The following GPAT4 variants were observed in gnomAD, a reference collection of about 807,000 sequenced individuals.
The protein encoded by GPAT4 is glycerol-3-phosphate acyltransferase 4.
Under a neutral mutation model 58.0 loss-of-function variants are expected in GPAT4, and 17 were observed. The ratio of observed to expected loss-of-function variants is 0.29; its 90% CI spans 0.20 to 0.44. The LOEUF (loss-of-function observed/expected upper bound fraction) is 0.44. GPAT4 is among the 20% of genes least tolerant of loss of function. GPAT4 has a pLI of 1.00. For synonymous variants in GPAT4, 204 were observed against 210.1 expected, an observed-to-expected ratio of 0.97 and a Z score of 0.25; for missense variants, 377 against 574.5, an observed-to-expected ratio of 0.66 and a Z score of 3.51.
intron 1 of GPAT4, among the ~76,000 whole-genome samples, chr8:41,583,859 C>G (rs979857493): frequency 1.3e-5 from 2 of 152,152 alleles, no homozygotes; most frequent in Non-Finnish European, 2.9e-5. Context: ...GAGAGATGAA[C>G]AAAAAAGTCT....
chr8:41,610,521 TGA>T, intron 4 of GPAT4: 1 of 1,421,556 alleles, frequency 7.0e-7, no homozygotes, highest in East Asian at 2.8e-5. Flanking sequence ...TGCAGGCAGC[TGA>T]GAGCCAGACC....
chr8:41,581,946 TAAA>T (rs536635092), intron 1 of GPAT4, among the ~76,000 whole-genome samples: 3 of 126,442 alleles, frequency 2.4e-5, no homozygotes, highest in Non-Finnish European at 4.9e-5. Context: ...TTGTTTGAAT[TAAA>T]AAAAAAAAAT....
chr8:41,611,762 A>G (rs1396525820), intron 5 of GPAT4, 141 bp from the exon 6 acceptor site: 5 of 665,070 alleles, frequency 7.5e-6, no homozygotes, highest in Non-Finnish European at 1.3e-5. Flanking sequence ...GTGCTCATGC[A>G]TCACAGGACT....
Position 41,582,674 on chromosome 8 carries a change from A to T in GPAT4, c.-849+4396A>T, listed in dbSNP as rs62509799. Among the ~76,000 whole-genome samples, 660 of 142,578 alleles carry T rather than the reference A, an allele frequency of 4.6e-3. 11 individuals carry two copies. Among genetic ancestry groups the T allele is most frequent in the South Asian group, 0.041 (181 of 4,426 alleles). 93.5% of individuals were successfully genotyped at this position (142,578 alleles called of 152,430 possible). On this transcript the variant is annotated intron_variant, in intron 1 of 12. Transcript: ENST00000396987. Reference sequence around the variant, plus strand: ...TCCACAAGGGGAGGGAGAGAGAGAGAGTGTGTGTGTGTGTGTGTGTGGGTG... The same window carrying T: ...TCCACAAGGGGAGGGAGAGAGAGAGTGTGTGTGTGTGTGTGTGTGTGGGTG...
chr8:41,590,421 AG>A (rs990980341), intron 1 of GPAT4, among the ~76,000 whole-genome samples: 3 of 152,238 alleles, frequency 2.0e-5, no homozygotes, highest in African/African-American at 7.2e-5. Context: ...TTTGGGAGAC[AG>A]GAAGAAGTAG....
chr8:41,583,782 G>C (rs1412599586), intron 1 of GPAT4, among the ~76,000 whole-genome samples: 2 of 152,166 alleles, frequency 1.3e-5, no homozygotes, highest in African/African-American at 4.8e-5. Flanking sequence ...TGTGGTTGTG[G>C]TCATTGGTTT....
Position 41,598,944 on chromosome 8 carries a change from C to T in GPAT4, c.-196C>T. On this transcript the variant is annotated 5_prime_UTR_variant, in exon 2 of 13. Coordinates refer to ENST00000396987, the MANE Select transcript of GPAT4 (RefSeq NM_178819.4). ...GAGACCTGGCGTTTGCAGTTGCCTC[C>T]TGTGGCCGTGTTTTTCTGTCATTCT... 2 of 679,548 alleles carry T rather than the reference C, an allele frequency of 2.9e-6. No individual in the cohort carries two copies. Among genetic ancestry groups the T allele is most frequent in the Non-Finnish European group, 4.8e-6 (2 of 412,554 alleles). 42.1% of individuals were successfully genotyped at this position (679,548 alleles called of 1,614,324 possible).
intron 2 of GPAT4, among the ~76,000 whole-genome samples, chr8:41,602,849 G>A (rs1268569495): frequency 1.3e-5 from 2 of 152,152 alleles, no homozygotes; most frequent in African/African-American, 4.8e-5. Flanking sequence ...TGGTGAGGCC[G>A]CTTCCTGGTT....
At chr8:41,616,131 T>C (rs1803588781) in intron 10 of GPAT4, among the ~76,000 whole-genome samples, 1 of 152,198 alleles carries the variant, frequency 6.6e-6, no homozygotes. Flanking sequence ...CATCCTGCAT[T>C]CTGGCAAAAC....
At chr8:41,614,737 G>C (rs1585674669) in intron 9 of GPAT4, among the ~76,000 whole-genome samples, 1 of 152,250 alleles carries the variant, frequency 6.6e-6, no homozygotes, top group Middle Eastern at 3.4e-3. Flanking sequence ...CTTTATCTAG[G>C]CTGTGTGTAT....
chr8:41,580,001 G>C (rs10095154), intron 1 of GPAT4, among the ~76,000 whole-genome samples: 84,345 of 151,968 alleles, frequency 0.56, 24,020 homozygotes, highest in Middle Eastern at 0.71. Flanking sequence ...CCTCTGCCTC[G>C]AGGCTGCGGT....
intron 1 of GPAT4, among the ~76,000 whole-genome samples, chr8:41,581,854 C>T (rs1334593873): frequency 2.0e-5 from 3 of 148,786 alleles, no homozygotes; most frequent in African/African-American, 7.4e-5. Flanking sequence ...AGGATGGTCT[C>T]GATCTCCTGA....
At position 41,604,036 on chromosome 8, in the gene GPAT4, ATTT is replaced by A. The variant is rs66464170; in HGVS notation, c.165+4747_165+4749del. On this transcript the variant is annotated intron_variant, in intron 2 of 12. Transcript: ENST00000396987. The stretch of plus-strand genomic sequence containing the variant: ...GGCCCACAACTTGTAACACCTTTTA[ATTT>A]TTTTTTTTTTTTTTGCCTTCTTCCT... Among the ~76,000 whole-genome samples the A allele has an allele frequency of 2.6e-3, 366 of 138,680 alleles. 3 individuals are homozygous for A. The highest frequency in any genetic ancestry group is 7.4e-3 in the Middle Eastern group (2 of 272). 91.0% of individuals were successfully genotyped at this position (138,680 alleles called of 152,430 possible). A position where few individuals can be genotyped will look rare whatever the true frequency, so the allele number is the denominator to read the frequency against.
chr8:41,603,664 A>G (rs1803169185), intron 2 of GPAT4, among the ~76,000 whole-genome samples: 1 of 151,740 alleles, frequency 6.6e-6, no homozygotes, highest in African/African-American at 2.4e-5. Flanking sequence ...GACACAGAGG[A>G]TGTGGGGGGG....
intron 10 of GPAT4, 111 bp from the exon 11 acceptor site, chr8:41,618,573 A>G: frequency 7.3e-7 from 1 of 1,371,994 alleles, no homozygotes; most frequent in Non-Finnish European, 1.0e-6. Flanking sequence ...GTCAGGGAGC[A>G]GCACCCCAGT....
rs1323812137 is a variant in GPAT4, at chr8:41,598,928, C to T, written c.-212C>T. Reference sequence around the variant, plus strand: ...GTCCATCCATTCTGGAGAGACCTGGCGTTTGCAGTTGCCTCCTGTGGCCGT... The same window carrying T: ...GTCCATCCATTCTGGAGAGACCTGGTGTTTGCAGTTGCCTCCTGTGGCCGT... On this transcript the variant is annotated 5_prime_UTR_variant, in exon 2 of 13. Coordinates refer to ENST00000396987, the MANE Select transcript of GPAT4 (RefSeq NM_178819.4). 1.0e-5 allele frequency: 6 copies of T among 598,328 alleles called. No homozygotes were observed. The highest frequency in any genetic ancestry group is 2.9e-5 in the East Asian group (1 of 34,624). 37.1% of individuals were successfully genotyped at this position (598,328 alleles called of 1,614,324 possible).
At chr8:41,586,113 G>A (rs1372789833) in intron 1 of GPAT4, among the ~76,000 whole-genome samples, 1 of 152,224 alleles carries the variant, frequency 6.6e-6, no homozygotes, top group Non-Finnish European at 1.5e-5. Flanking sequence ...CAGCTCTAAA[G>A]TAACCAACAA....
intron 2 of GPAT4, among the ~76,000 whole-genome samples, chr8:41,602,444 C>A (rs560654367): frequency 5.9e-5 from 9 of 152,310 alleles, no homozygotes; most frequent in Admixed American, 2.6e-4. Context: ...TGGCTGTAAA[C>A]TGAGTCACGT....
At chr8:41,583,243 A>G (rs1357709857) in intron 1 of GPAT4, among the ~76,000 whole-genome samples, 2 of 151,846 alleles carry the variant, frequency 1.3e-5, no homozygotes, top group Non-Finnish European at 2.9e-5. Context: ...TAATATATAT[A>G]TATGTACAAG....
Sources: gnomAD v4.1 joint callset for allele counts (sites outside exome capture counted in the v4.1 genomes callset) on GRCh38, gnomAD v4.1.1 for gene constraint, MANE v1.5 for transcripts, NCBI Gene and HGNC (gene_info 2026-07-23, HGNC 2026-07-21) for gene names.